The following GPR39 variants were observed in gnomAD, a reference collection of about 807,000 sequenced individuals.
GPR39 encodes the protein zinc sensing receptor.
In GPR39, 23 loss-of-function variants were observed where a neutral mutation model predicts 18.4. The ratio of observed to expected loss-of-function variants is 1.25; its 90% CI spans 0.90 to 1.77. GPR39 has a LOEUF of 1.77. Among genes scored for constraint, GPR39 ranks in the 40% most tolerant of loss-of-function variants. The pLI, the probability that GPR39 is intolerant of heterozygous loss-of-function variation, is 0.00. For synonymous variants in GPR39, 280 were observed against 257.9 expected, an observed-to-expected ratio of 1.09 and a Z score of -0.82; for missense variants, 647 against 602.4, an observed-to-expected ratio of 1.07 and a Z score of -0.78.
intron 1 of GPR39, among the ~76,000 whole-genome samples, chr2:132,594,295 T>G (rs1680898421): frequency 6.6e-6 from 1 of 152,164 alleles, no homozygotes; most frequent in Admixed American, 6.5e-5. Flanking sequence ...CTTGACGCTT[T>G]CCTGGGTCTT....
At chr2:132,609,773 G>A (rs909914573) in intron 1 of GPR39, among the ~76,000 whole-genome samples, 1 of 152,114 alleles carries the variant, frequency 6.6e-6, no homozygotes, top group Non-Finnish European at 1.5e-5. Context: ...ACAAATCTGG[G>A]TCCCAGTCTT....
chr2:132,583,064 A>G (rs1680657080), intron 1 of GPR39, among the ~76,000 whole-genome samples: 3 of 151,724 alleles, frequency 2.0e-5, no homozygotes, highest in Non-Finnish European at 2.9e-5. Context: ...TACCCAGCTA[A>G]TTATTTAAAT....
intron 1 of GPR39, among the ~76,000 whole-genome samples, chr2:132,493,142 ATACATT>A (rs1558815088): frequency 2.8e-5 from 4 of 144,490 alleles, no homozygotes; most frequent in African/African-American, 1.0e-4. Flanking sequence ...TACCATATAT[ATACATT>A]CCATATATAT....
chr2:132,607,729 C>T (rs1053320422), intron 1 of GPR39, among the ~76,000 whole-genome samples: 107 of 152,284 alleles, frequency 7.0e-4, no homozygotes, highest in African/African-American at 2.5e-3. Context: ...TCCACTTTCC[C>T]TCAAGCTGCA....
At chr2:132,643,123 T>C (rs1681889995) in intron 1 of GPR39, among the ~76,000 whole-genome samples, 1 of 152,202 alleles carries the variant, frequency 6.6e-6, no homozygotes, top group Admixed American at 6.5e-5. Flanking sequence ...GTTGTTGCTG[T>C]TGTTGTTCCT....
chr2:132,550,513 A>G (rs544288991), intron 1 of GPR39, among the ~76,000 whole-genome samples: 2 of 152,378 alleles, frequency 1.3e-5, no homozygotes, highest in South Asian at 4.1e-4. Flanking sequence ...GAGCAAAGGC[A>G]TATGGCTTTG....
intron 1 of GPR39, among the ~76,000 whole-genome samples, chr2:132,533,547 A>G (rs1573651556): frequency 6.6e-6 from 1 of 150,920 alleles, no homozygotes; most frequent in African/African-American, 2.4e-5. Context: ...AGTCAATCCT[A>G]AGCGAAAAGA....
chr2:132,639,251 G>T (rs1263815881), intron 1 of GPR39, among the ~76,000 whole-genome samples: 2 of 151,862 alleles, frequency 1.3e-5, no homozygotes, highest in East Asian at 3.9e-4. Context: ...GAACTTGAAT[G>T]GGGGGATAAA....
chr2:132,487,783 G>A lies in GPR39; in HGVS notation c.856+69885G>A, dbSNP rs574590309. On this transcript the variant is annotated intron_variant, in intron 1 of 1. Transcript: ENST00000329321. The stretch of plus-strand genomic sequence containing the variant: ...ATGGAAAAATGAGAGGATAAGAGTC[G>A]TAGAGGGTAGAATGAGAAAGTTTAC... Among the ~76,000 whole-genome samples the A allele has an allele frequency of 2.0e-5, 3 of 152,222 alleles. No homozygotes were observed. The East Asian group carries it at 5.8e-4, about 29-fold the overall frequency.
At chr2:132,631,938 T>C (rs563281102) in intron 1 of GPR39, among the ~76,000 whole-genome samples, 89 of 151,382 alleles carry the variant, frequency 5.9e-4, no homozygotes, top group African/African-American at 2.0e-3. Context: ...TCCTCCCACC[T>C]CAGCCTCTGG....
At chr2:132,601,765 C>T (rs1486606836) in intron 1 of GPR39, among the ~76,000 whole-genome samples, 1 of 152,078 alleles carries the variant, frequency 6.6e-6, no homozygotes, top group Non-Finnish European at 1.5e-5. Context: ...TGTCTTTATA[C>T]ACCAATAACG....
chr2:132,590,279 G>T (rs747451961), intron 1 of GPR39, among the ~76,000 whole-genome samples: 1 of 152,144 alleles, frequency 6.6e-6, no homozygotes, highest in African/African-American at 2.4e-5. Flanking sequence ...GAAATCTAAG[G>T]AATGAGAATG....
chr2:132,428,620 A>C (rs1434289191), intron 1 of GPR39, among the ~76,000 whole-genome samples: 1 of 152,194 alleles, frequency 6.6e-6, no homozygotes, highest in East Asian at 1.9e-4. Context: ...CACCCCTACC[A>C]GTTGAATTGT....
intron 1 of GPR39, among the ~76,000 whole-genome samples, chr2:132,622,958 A>G (rs1446576847): frequency 6.6e-6 from 1 of 152,128 alleles, no homozygotes; most frequent in African/African-American, 2.4e-5. Context: ...CTAAAAATAC[A>G]CAAAGTAGCC....
intron 1 of GPR39, among the ~76,000 whole-genome samples, chr2:132,539,998 C>A (rs2104784510): frequency 6.6e-6 from 1 of 152,294 alleles, no homozygotes; most frequent in African/African-American, 2.4e-5. Context: ...TATCTTCCAT[C>A]TGCACCCCAC....
At chr2:132,485,446 G>A (rs1394412257) in intron 1 of GPR39, among the ~76,000 whole-genome samples, 1 of 152,142 alleles carries the variant, frequency 6.6e-6, no homozygotes, top group Non-Finnish European at 1.5e-5. Context: ...TTTCTCTATA[G>A]CAAGCAATAC....
At chr2:132,560,304 CCT>C (rs1204112856) in intron 1 of GPR39, among the ~76,000 whole-genome samples, 1 of 152,146 alleles carries the variant, frequency 6.6e-6, no homozygotes, top group Admixed American at 6.5e-5. Context: ...GCCTTTCCCA[CCT>C]CTTTTTCCTC....
chr2:132,472,962 C>T (rs1253099526), intron 1 of GPR39, among the ~76,000 whole-genome samples: 1 of 152,018 alleles, frequency 6.6e-6, no homozygotes, highest in Non-Finnish European at 1.5e-5. Context: ...GCTTGCCCAG[C>T]ATCCTTATCC....
intron 1 of GPR39, among the ~76,000 whole-genome samples, chr2:132,628,633 T>G (rs905916726): frequency 1.1e-4 from 17 of 152,158 alleles, no homozygotes; most frequent in Admixed American, 5.2e-4. Context: ...TTGTAATCAT[T>G]TTTCTAAGTA....
Sources: gnomAD v4.1 joint callset for allele counts (sites outside exome capture counted in the v4.1 genomes callset) on GRCh38, gnomAD v4.1.1 for gene constraint, MANE v1.5 for transcripts, NCBI Gene and HGNC (gene_info 2026-07-23, HGNC 2026-07-21) for gene names.